The following CSMD1 variants were observed in gnomAD, a reference collection of about 807,000 sequenced individuals.
The protein encoded by CSMD1 is CUB and sushi domain-containing protein 1.
CSMD1 carries 213 observed loss-of-function variants against 417.5 expected under a neutral mutation model. That is an observed-to-expected ratio of 0.51 (90% CI 0.46 to 0.57). The LOEUF is 0.57. Ranked by LOEUF, CSMD1 falls within the 20% of genes least tolerant of loss-of-function variation. The probability of loss-of-function intolerance (pLI) is 0.00; values close to 1 mark genes in which losing one functional copy is unlikely to be tolerated. For missense variants in CSMD1, 6,923 were observed against 4,529.7 expected (o/e 1.53, Z -15.17); for synonymous variants, 2,862 against 1,736.8 (o/e 1.65, Z -16.11).
At chr8:4,620,643 C>T (rs1410151106) in intron 2 of CSMD1, among the ~76,000 whole-genome samples, 1 of 151,796 alleles carries the variant, frequency 6.6e-6, no homozygotes, top group Non-Finnish European at 1.5e-5. Flanking sequence ...AATCATACAA[C>T]ATGCTTCTTA....
intron 37 of CSMD1, among the ~76,000 whole-genome samples, chr8:3,163,153 A>G (rs1186167622): frequency 6.6e-6 from 1 of 152,202 alleles, no homozygotes; most frequent in East Asian, 1.9e-4. Flanking sequence ...TCATTTAATT[A>G]AAAAATGCAT....
intron 3 of CSMD1, among the ~76,000 whole-genome samples, chr8:4,160,085 T>TA (rs61002277): frequency 0.01 from 1,232 of 120,370 alleles, 8 homozygotes; most frequent in South Asian, 0.02. Flanking sequence ...GTATGGAATT[T>TA]AAAAAAAAAA....
At chr8:3,158,370 T>C (rs1819666799) in intron 38 of CSMD1, among the ~76,000 whole-genome samples, 2 of 152,182 alleles carry the variant, frequency 1.3e-5, no homozygotes, top group Admixed American at 6.5e-5. Context: ...GGCCAAAATG[T>C]CAGCAATACA....
chr8:3,823,634 T>A (rs1245522596), intron 5 of CSMD1, among the ~76,000 whole-genome samples: 1 of 152,124 alleles, frequency 6.6e-6, no homozygotes, highest in Non-Finnish European at 1.5e-5. Flanking sequence ...TTTATAAAAA[T>A]AATGTATAAC....
intron 1 of CSMD1, among the ~76,000 whole-genome samples, chr8:4,678,425 A>G (rs1805831713): frequency 6.6e-6 from 1 of 152,154 alleles, no homozygotes; most frequent in Non-Finnish European, 1.5e-5. Context: ...ACAAAAAAAA[A>G]GAATTTGTTA....
intron 37 of CSMD1, among the ~76,000 whole-genome samples, chr8:3,173,824 A>C (rs1312181864): frequency 2.0e-5 from 3 of 152,224 alleles, no homozygotes; most frequent in African/African-American, 4.8e-5. Context: ...TTAAAGTGCC[A>C]TTAAAGCATG....
intron 3 of CSMD1, among the ~76,000 whole-genome samples, chr8:4,395,418 A>AT (rs1216692790): frequency 6.6e-6 from 1 of 151,236 alleles, no homozygotes; most frequent in African/African-American, 2.5e-5. Context: ...CTAAAGAATC[A>AT]TAAAAAAAAC....
intron 16 of CSMD1, 97 bp from the exon 17 acceptor site, chr8:3,396,478 C>A (rs746460605): frequency 1.8e-5 from 14 of 767,652 alleles, no homozygotes; most frequent in Non-Finnish European, 2.7e-5. Flanking sequence ...AACCCATGTA[C>A]GTTAACATGA....
chr8:4,624,205 C>G (rs951791734), intron 2 of CSMD1, among the ~76,000 whole-genome samples: 3 of 152,106 alleles, frequency 2.0e-5, no homozygotes, highest in Non-Finnish European at 4.4e-5. Context: ...GAGATGACCT[C>G]TATTTGTCTA....
intron 2 of CSMD1, among the ~76,000 whole-genome samples, chr8:4,591,399 G>A (rs770342799): frequency 1.3e-5 from 2 of 152,214 alleles, no homozygotes; most frequent in Non-Finnish European, 2.9e-5. Context: ...ATTCCAGGTG[G>A]AGAAGGGATG....
At chr8:3,540,085 T>C (rs554929861) in intron 10 of CSMD1, among the ~76,000 whole-genome samples, 2 of 152,348 alleles carry the variant, frequency 1.3e-5, no homozygotes, top group South Asian at 2.1e-4. Flanking sequence ...AATAGGCTTC[T>C]CTGTGATTCT....
rs1374897688 is a variant in CSMD1, at chr8:4,854,196, T to A, written c.85+140136A>T. ...TTGCAATGTGAGAAGGGCATGAGAT[T>A]TGGGGATGCAGGAGTGGAAAGATAT... is the stretch of plus-strand genomic sequence containing the variant. On this transcript the variant is annotated intron_variant, in intron 1 of 69. Transcript: ENST00000635120. Among the ~76,000 whole-genome samples, 7 of 152,084 alleles carry A rather than the reference T, an allele frequency of 4.6e-5. 1 individual carries two copies. In the South Asian group the frequency reaches 1.0e-3, roughly 23 times the overall value.
chr8:4,223,368 T>A (rs192213220), intron 3 of CSMD1, among the ~76,000 whole-genome samples: 37 of 152,350 alleles, frequency 2.4e-4, no homozygotes, highest in Admixed American at 2.2e-3. Context: ...CTGTAGTCCA[T>A]CCATCAAGTA....
chr8:3,796,352 T>C (rs1279679265), intron 5 of CSMD1, among the ~76,000 whole-genome samples: 1 of 120,668 alleles, frequency 8.3e-6, no homozygotes, highest in East Asian at 2.3e-4. Context: ...ATATCTATCA[T>C]GTATAGATAT....
At chr8:3,974,698 G>T (rs1047786774) in intron 5 of CSMD1, among the ~76,000 whole-genome samples, 1 of 151,154 alleles carries the variant, frequency 6.6e-6, no homozygotes, top group Non-Finnish European at 1.5e-5. Context: ...ATAACAGAAT[G>T]AAAATTTTAT....
At chr8:3,798,212 G>T (rs910240602) in intron 5 of CSMD1, among the ~76,000 whole-genome samples, 1 of 151,968 alleles carries the variant, frequency 6.6e-6, no homozygotes, top group African/African-American at 2.4e-5. Context: ...GTTCATTTCT[G>T]TATGAAATGA....
intron 41 of CSMD1, among the ~76,000 whole-genome samples, chr8:3,125,835 G>T (rs1172116779): frequency 6.6e-6 from 1 of 152,136 alleles, no homozygotes; most frequent in East Asian, 1.9e-4. Context: ...AAATTAGCTG[G>T]GCGTGGTAGC....
intron 3 of CSMD1, among the ~76,000 whole-genome samples, chr8:4,166,388 A>C (rs1430155158): frequency 6.6e-6 from 1 of 152,322 alleles, no homozygotes; most frequent in East Asian, 1.9e-4. Flanking sequence ...AAGTTCCCAC[A>C]ATTAAAGATA....
chr8:4,289,579 T>C (rs1394365830), intron 3 of CSMD1, among the ~76,000 whole-genome samples: 2 of 152,162 alleles, frequency 1.3e-5, no homozygotes, highest in East Asian at 1.9e-4. Context: ...TCACATTTTG[T>C]CCAGGTCTGG....
Sources: gnomAD v4.1 joint callset for allele counts (sites outside exome capture counted in the v4.1 genomes callset) on GRCh38, gnomAD v4.1.1 for gene constraint, MANE v1.5 for transcripts, NCBI Gene and HGNC (gene_info 2026-07-23, HGNC 2026-07-21) for gene names.